The following DESI1 variants were observed in gnomAD, a reference collection of about 807,000 sequenced individuals.
DESI1 encodes desumoylating isopeptidase 1, also known as PPPDE peptidase domain containing 2.
A neutral mutation model predicts 22.4 loss-of-function variants in DESI1; 17 were observed. That is an observed-to-expected ratio of 0.76 (90% CI 0.52 to 1.14). The LOEUF (loss-of-function observed/expected upper bound fraction) is 1.14. DESI1 is among the 50% of genes most tolerant of loss of function. The probability of loss-of-function intolerance (pLI) is 0.00; values close to 1 mark genes in which losing one functional copy is unlikely to be tolerated. For synonymous variants in DESI1, 92 were observed against 84.2 expected (o/e 1.09, Z -0.51); for missense variants, 177 against 208.9 (o/e 0.85, Z 0.94).
rs2067446632 is a variant in DESI1, at chr22:41,601,002, C to T, written c.*95G>A. 3.4e-6 allele frequency: 4 copies of T among 1,179,180 alleles called. No homozygotes were observed. The highest frequency in any genetic ancestry group is 1.3e-5 in the South Asian group (1 of 74,418). 73.0% of individuals were successfully genotyped at this position (1,179,180 alleles called of 1,614,324 possible). Reference sequence around the variant, plus strand: ...TAAAAAGCCGTCCCCTGGTTGTTAGCTCTGATGTAAAATTATAAAATAGAA... The same window carrying T: ...TAAAAAGCCGTCCCCTGGTTGTTAGTTCTGATGTAAAATTATAAAATAGAA... On this transcript the variant is annotated 3_prime_UTR_variant, in exon 6 of 6. Transcript: ENST00000263256.
At chr22:41,602,599 G>T (rs1489949906) in intron 5 of DESI1, 2 of 986,358 alleles carry the variant, frequency 2.0e-6, no homozygotes, top group Non-Finnish European at 2.4e-6. Flanking sequence ...GTCCTGGAAT[G>T]AGCAGAGGCT....
At chr22:41,620,688 C>G in intron 1 of DESI1, 64 bp downstream of exon 1, 1 of 1,495,260 alleles carries the variant, frequency 6.7e-7, no homozygotes, top group Non-Finnish European at 9.1e-7. Context: ...CTCCCCACCT[C>G]GGCCAGCCGC....
Position 41,620,944 on chromosome 22 carries a change from CGA to C in DESI1, c.-107_-106del. 1 of 1,279,816 alleles carries C rather than the reference CGA, an allele frequency of 7.8e-7. No homozygotes were observed. Among genetic ancestry groups the C allele is most frequent in the Non-Finnish European group, 1.1e-6 (1 of 922,984 alleles). 79.3% of individuals were successfully genotyped at this position (1,279,816 alleles called of 1,614,324 possible). The stretch of plus-strand genomic sequence containing the variant: ...GCGAAGCGGAGGGAGAGGGGGGGAC[CGA>C]GCCCGGGCCCGGGCTGAGGGGTGGG... On this transcript the variant is annotated 5_prime_UTR_variant, in exon 1 of 6. Transcript: ENST00000263256.
intron 1 of DESI1, among the ~76,000 whole-genome samples, chr22:41,618,501 G>A (rs1284373982): frequency 6.6e-6 from 1 of 152,178 alleles, no homozygotes; most frequent in Non-Finnish European, 1.5e-5. Flanking sequence ...GCTCCATGAT[G>A]GCAAAGAACA....
At chr22:41,619,972 C>T (rs1458142481) in intron 1 of DESI1, among the ~76,000 whole-genome samples, 1 of 152,156 alleles carries the variant, frequency 6.6e-6, no homozygotes, top group Non-Finnish European at 1.5e-5. Flanking sequence ...AAGGTGTGAT[C>T]GTCACTGAAT....
chr22:41,608,723 G>GT (rs2067497080), intron 1 of DESI1, among the ~76,000 whole-genome samples: 1 of 152,140 alleles, frequency 6.6e-6, no homozygotes, highest in Non-Finnish European at 1.5e-5. Context: ...AAAGATAACT[G>GT]TAGTTGTGGG....
chr22:41,603,521 A>G, intron 4 of DESI1, 140 bp from the exon 5 acceptor site: 1 of 1,354,672 alleles, frequency 7.4e-7, no homozygotes. Flanking sequence ...CCAGAAAAGC[A>G]CTGCTTATTT....
chr22:41,607,689 A>T (rs2067491227), intron 2 of DESI1, 151 bp downstream of exon 2: 4 of 939,508 alleles, frequency 4.3e-6, no homozygotes, highest in Non-Finnish European at 6.6e-6. Flanking sequence ...GAGAGAGCAA[A>T]AGAACTGATG....
At chr22:41,608,553 C>G (rs1020407460) in intron 1 of DESI1, among the ~76,000 whole-genome samples, 1 of 152,158 alleles carries the variant, frequency 6.6e-6, no homozygotes, top group Admixed American at 6.6e-5. Flanking sequence ...AAGATGTGCA[C>G]ATGCATGGCT....
intron 3 of DESI1, 144 bp downstream of exon 3, chr22:41,607,118 G>T: frequency 3.1e-6 from 2 of 650,352 alleles, no homozygotes; most frequent in Non-Finnish European, 4.9e-6. Context: ...TGGCTGGGGT[G>T]TCTGGGAAAG....
chr22:41,607,213 C>A, intron 3 of DESI1, 49 bp downstream of exon 3: 3 of 1,493,102 alleles, frequency 2.0e-6, no homozygotes, highest in Non-Finnish European at 2.7e-6. Flanking sequence ...TCTACAGGAG[C>A]CCCCAGGAAC....
At position 41,604,093 on chromosome 22, in the gene DESI1, C is replaced by G. The variant is rs2067464991; in HGVS notation, c.241G>C (p.Glu81Gln). ...GAGAGGTACTCCAGAAAGATTTCTT[C>G]TGTGACTTCTGTACTCCCCACATCA... ...VVDVGSTEVT[E>Q]EIFLEYLSSL... Residue 81 changes from glutamate to glutamine, a missense_variant, in exon 4 of 6, where the codon GAA (glutamate) becomes CAA (glutamine). Glu to Gln is a conservative substitution (Grantham distance 29, BLOSUM62 2). Transcript: ENST00000263256. 3 of 1,613,880 alleles carry G rather than the reference C, an allele frequency of 1.9e-6. No homozygotes were observed. Among genetic ancestry groups the G allele is most frequent in the Admixed American group, 1.7e-5 (1 of 59,986 alleles).
At position 41,601,015 on chromosome 22, in the gene DESI1, TTA is replaced by T; in HGVS notation, c.*80_*81del. On this transcript the variant is annotated 3_prime_UTR_variant, in exon 6 of 6. Transcript: ENST00000263256. ...CCTGGTTGTTAGCTCTGATGTAAAA[TTA>T]TAAAATAGAAATCTGGTAGGGTTTG... The T allele has an allele frequency of 7.6e-7, 1 of 1,317,846 alleles. No homozygotes were observed. The highest frequency in any genetic ancestry group is 1.1e-6 in the Non-Finnish European group (1 of 941,086). 81.6% of individuals were successfully genotyped at this position (1,317,846 alleles called of 1,614,324 possible).
chr22:41,602,444 G>A (rs2067454441), intron 5 of DESI1: 4 of 985,472 alleles, frequency 4.1e-6, no homozygotes, highest in South Asian at 9.4e-5. Flanking sequence ...CAGCAGTCTT[G>A]TTTCCTATGC....
At chr22:41,619,192 G>A (rs1874949369) in intron 1 of DESI1, among the ~76,000 whole-genome samples, 1 of 152,124 alleles carries the variant, frequency 6.6e-6, no homozygotes, top group Non-Finnish European at 1.5e-5. Context: ...GGTTATCTAG[G>A]CCCAAATCCC....
intron 4 of DESI1, among the ~76,000 whole-genome samples, 153 bp from the exon 5 acceptor site, chr22:41,603,534 C>T (rs1328529178): frequency 1.3e-5 from 2 of 152,218 alleles, no homozygotes; most frequent in Non-Finnish European, 2.9e-5. Context: ...GCTTATTTGC[C>T]ATTCTGGCCA....
rs1241391717 is a variant in DESI1, at chr22:41,601,360, C to T, written c.414-170G>A. Among the ~76,000 whole-genome samples, 3 of 152,224 alleles carry T rather than the reference C, an allele frequency of 2.0e-5. No individual in the cohort carries two copies. The East Asian group carries it at 5.8e-4, about 29-fold the overall frequency. On this transcript the variant is annotated intron_variant, in intron 5 of 5. Transcript: ENST00000263256. ...CACCTCACTTAAGTTTCCCACCTGC[C>T]TCACACACCAGTGTTCTTGGAGGGC...
intron 1 of DESI1, among the ~76,000 whole-genome samples, chr22:41,614,227 G>A (rs934161691): frequency 2.0e-5 from 3 of 151,296 alleles, no homozygotes; most frequent in Non-Finnish European, 2.9e-5. Flanking sequence ...TAGTAGAGAC[G>A]GGGTTTCTCC....
At chr22:41,605,548 T>C (rs1449998745) in intron 3 of DESI1, among the ~76,000 whole-genome samples, 1 of 152,168 alleles carries the variant, frequency 6.6e-6, no homozygotes, top group African/African-American at 2.4e-5. Flanking sequence ...AAGATAACCA[T>C]GGTAGGCAGA....
Sources: gnomAD v4.1 joint callset for allele counts (sites outside exome capture counted in the v4.1 genomes callset) on GRCh38, gnomAD v4.1.1 for gene constraint, MANE v1.5 for transcripts, NCBI Gene and HGNC (gene_info 2026-07-23, HGNC 2026-07-21) for gene names.